The following SGCD variants were observed in gnomAD, a reference collection of about 807,000 sequenced individuals.
SGCD encodes delta-sarcoglycan.
In SGCD, 18 loss-of-function variants were observed where a neutral mutation model predicts 36.6. The observed-to-expected ratio is 0.49, with a 90% confidence interval of 0.34 to 0.73. The LOEUF is 0.73. Ranked by LOEUF, SGCD falls within the 30% of genes least tolerant of loss-of-function variation. The probability of loss-of-function intolerance (pLI) is 0.01; values close to 1 mark genes in which losing one functional copy is unlikely to be tolerated. For synonymous variants in SGCD, 133 were observed against 130.6 expected (o/e 1.02, Z -0.12); for missense variants, 387 against 346.7 (o/e 1.12, Z -0.92).
intron 1 of SGCD, among the ~76,000 whole-genome samples, chr5:155,949,581 G>A (rs894483549): frequency 5.3e-5 from 8 of 152,142 alleles, no homozygotes; most frequent in Admixed American, 4.6e-4. Context: ...AGAGGTCAGC[G>A]ATAGATTTTA....
At position 155,885,462 on chromosome 5, in the gene SGCD, TAA is replaced by T. The variant is rs34256725; in HGVS notation, c.-282+15047_-282+15048del. ...GCATTACGTCTATGTATCATCAAAG[TAA>T]AAAAAAAATAGTAAAAATACAATAC... On this transcript the variant is annotated intron_variant, in intron 1 of 9. Transcript: ENST00000517913. 2.7e-4 allele frequency among the ~76,000 whole-genome samples: 30 copies of T among 110,902 alleles called. 9 individuals are homozygous for T. Among genetic ancestry groups the T allele is most frequent in the Admixed American group, 1.4e-3 (13 of 9,312 alleles). 72.8% of individuals were successfully genotyped at this position (110,902 alleles called of 152,430 possible). A position where few individuals can be genotyped will look rare whatever the true frequency, so the allele number is the denominator to read the frequency against.
intron 2 of SGCD, among the ~76,000 whole-genome samples, chr5:156,342,818 C>T (rs1407779364): frequency 6.6e-6 from 1 of 152,218 alleles, no homozygotes; most frequent in East Asian, 1.9e-4. Flanking sequence ...CCCCAGACAG[C>T]AGCAGAGCTG....
rs1761541555 is a variant in SGCD, at chr5:156,102,396, A to G, written c.-281-15482A>G. On this transcript the variant is annotated intron_variant, in intron 1 of 9. Transcript: ENST00000517913. ...TGTTCTCTCATGTGGGAGAATGTGC[A>G]ATATGTAGAAAGGACATTGTTTAGT... Among the ~76,000 whole-genome samples the G allele has an allele frequency of 2.6e-5, 4 of 152,310 alleles. No homozygotes were observed. The South Asian group carries it at 8.3e-4, about 32-fold the overall frequency.
At chr5:156,061,978 T>A (rs1360604174) in intron 1 of SGCD, among the ~76,000 whole-genome samples, 3 of 90,028 alleles carry the variant, frequency 3.3e-5, no homozygotes, top group Admixed American at 2.0e-4. Flanking sequence ...CATGTGCACA[T>A]TGTGCAGGTT....
chr5:155,853,433 C>G, the SGCD span, among the ~76,000 whole-genome samples: 2 of 152,070 alleles, frequency 1.3e-5, no homozygotes, highest in Admixed American at 6.6e-5. Context: ...GTTTGCTTCT[C>G]TGCTTACACC....
At chr5:155,948,858 C>T (rs1454033026) in intron 1 of SGCD, among the ~76,000 whole-genome samples, 1 of 152,078 alleles carries the variant, frequency 6.6e-6, no homozygotes, top group East Asian at 1.9e-4. Flanking sequence ...ACCATCTGGG[C>T]TCAGAGAAAA....
chr5:155,792,003 A>C, the SGCD span, among the ~76,000 whole-genome samples: 1 of 152,190 alleles, frequency 6.6e-6, no homozygotes, highest in African/African-American at 2.4e-5. Flanking sequence ...CCCCACTGCA[A>C]ATTATACTAT....
chr5:156,519,106 TAAGAG>T (rs1179138653), intron 4 of SGCD, among the ~76,000 whole-genome samples: 2 of 150,486 alleles, frequency 1.3e-5, no homozygotes, highest in Non-Finnish European at 3.0e-5. Context: ...GCTAGACTAA[TAAGAG>T]AAGAATCAGA....
intron 1 of SGCD, among the ~76,000 whole-genome samples, chr5:155,977,269 C>T (rs1425106839): frequency 6.6e-6 from 1 of 152,152 alleles, no homozygotes; most frequent in Non-Finnish European, 1.5e-5. Flanking sequence ...CTCAGAGAAA[C>T]TTTCTTGTGT....
chr5:156,660,281 C>G (rs1763859091), intron 7 of SGCD, among the ~76,000 whole-genome samples: 1 of 152,094 alleles, frequency 6.6e-6, no homozygotes, highest in African/African-American at 2.4e-5. Context: ...TTATCATCAT[C>G]CCTTCTTCCT....
intron 3 of SGCD, among the ~76,000 whole-genome samples, chr5:156,399,716 C>T (rs1234881157): frequency 1.3e-5 from 2 of 152,174 alleles, no homozygotes. Flanking sequence ...ATGTGCCCTG[C>T]CTTCTCCCTA....
chr5:156,465,723 G>C (rs75564556), intron 3 of SGCD, among the ~76,000 whole-genome samples: 1 of 152,106 alleles, frequency 6.6e-6, no homozygotes, highest in African/African-American at 2.4e-5. Context: ...TTACCTTCAG[G>C]CTCGTTCCAA....
At chr5:155,928,930 G>T (rs1386640827) in intron 1 of SGCD, among the ~76,000 whole-genome samples, 1 of 151,966 alleles carries the variant, frequency 6.6e-6, no homozygotes, top group Non-Finnish European at 1.5e-5. Flanking sequence ...ACGTTAGGGG[G>T]TGTCTCTTGA....
intron 4 of SGCD, among the ~76,000 whole-genome samples, chr5:156,513,381 T>C (rs984074943): frequency 1.3e-5 from 2 of 152,228 alleles, no homozygotes; most frequent in Admixed American, 6.5e-5. Flanking sequence ...CTTTGTTATC[T>C]TCAGCTTACT....
intron 3 of SGCD, among the ~76,000 whole-genome samples, chr5:156,307,819 T>A (rs536930434): frequency 2.6e-5 from 4 of 152,016 alleles, no homozygotes; most frequent in Non-Finnish European, 5.9e-5. Flanking sequence ...CTCTTTCAGT[T>A]GTTGATGTAA....
chr5:156,333,788 T>C (rs1580834156), intron 2 of SGCD, among the ~76,000 whole-genome samples: 7 of 50,132 alleles, frequency 1.4e-4, no homozygotes, highest in African/African-American at 7.9e-5. Flanking sequence ...AAGTGATTTT[T>C]TTTTTTTTTT....
intron 1 of SGCD, among the ~76,000 whole-genome samples, chr5:156,101,196 A>G (rs1401813702): frequency 1.3e-5 from 2 of 152,190 alleles, no homozygotes; most frequent in Non-Finnish European, 2.9e-5. Context: ...CACCCAATCT[A>G]TGGTATTCTG....
intron 1 of SGCD, among the ~76,000 whole-genome samples, chr5:155,911,698 C>G (rs1415058315): frequency 6.6e-6 from 1 of 152,022 alleles, no homozygotes; most frequent in Non-Finnish European, 1.5e-5. Context: ...CAGAACCCAC[C>G]AAGAGAACAC....
intron 4 of SGCD, among the ~76,000 whole-genome samples, chr5:156,580,872 T>G (rs1202476464): frequency 2.0e-5 from 3 of 152,078 alleles, no homozygotes. Flanking sequence ...GAGATGTTTG[T>G]TATTACCAAC....
Sources: allele counts gnomAD v4.1 joint callset (sites outside exome capture counted in the v4.1 genomes callset), GRCh38; gene constraint gnomAD v4.1.1; transcripts MANE v1.5; gene names NCBI Gene and HGNC (gene_info 2026-07-23, HGNC 2026-07-21).